Variants in SUN3 observed in about 807,000 individuals in gnomAD.
SUN3 encodes SUN domain-containing protein 3.
Under a neutral mutation model 48.2 loss-of-function variants are expected in SUN3, and 36 were observed. That is an observed-to-expected ratio of 0.75 (90% CI 0.57 to 0.99). The LOEUF (loss-of-function observed/expected upper bound fraction) is 0.99. SUN3 is among the 50% of genes least tolerant of loss of function. The probability of loss-of-function intolerance (pLI) is 0.00; values close to 1 mark genes in which losing one functional copy is unlikely to be tolerated. For synonymous variants in SUN3, 148 were observed against 147.9 expected, an observed-to-expected ratio of 1.00 and a Z score of 0.00; for missense variants, 419 against 433.1, an observed-to-expected ratio of 0.97 and a Z score of 0.29.
chr7:48,019,642 C>T (rs1583777808), intron 2 of SUN3, among the ~76,000 whole-genome samples: 1 of 152,092 alleles, frequency 6.6e-6, no homozygotes. Flanking sequence ...TCATTACTAG[C>T]TACTATGAAC....
chr7:48,016,748 C>A (rs1789825564), intron 3 of SUN3, among the ~76,000 whole-genome samples: 1 of 152,182 alleles, frequency 6.6e-6, no homozygotes, highest in African/African-American at 2.4e-5. Flanking sequence ...AAACTATTGT[C>A]TTAGTCTGTT....
intron 6 of SUN3, among the ~76,000 whole-genome samples, chr7:47,997,033 C>G (rs770728877): frequency 1.3e-5 from 2 of 152,118 alleles, no homozygotes; most frequent in Non-Finnish European, 2.9e-5. Flanking sequence ...ATCTCTTGAC[C>G]TAGTGATGTA....
intron 2 of SUN3, among the ~76,000 whole-genome samples, chr7:48,025,271 T>A (rs1295160452): frequency 6.6e-6 from 1 of 152,182 alleles, no homozygotes; most frequent in Non-Finnish European, 1.5e-5. Flanking sequence ...GGATGAACCT[T>A]AAAAACATTA....
chr7:48,025,824 G>T, intron 2 of SUN3, 53 bp downstream of exon 2: 1 of 1,242,046 alleles, frequency 8.1e-7, no homozygotes, highest in Non-Finnish European at 1.2e-6. Context: ...TCTCTCACCA[G>T]GCAGACATAA....
At chr7:48,005,872 A>T in intron 6 of SUN3, 97 bp downstream of exon 6, 1 of 576,478 alleles carries the variant, frequency 1.7e-6, no homozygotes, top group Non-Finnish European at 2.9e-6. Flanking sequence ...GTTACCAGAT[A>T]AATATGTTTT....
chr7:47,988,685 C>T (rs772039355), intron 9 of SUN3, 103 bp downstream of exon 9: 39 of 657,800 alleles, frequency 5.9e-5, no homozygotes, highest in Non-Finnish European at 7.9e-5. Context: ...GTAACTCACG[C>T]TTTTGTCATA....
chr7:48,003,535 A>G (rs1029904345), intron 6 of SUN3, among the ~76,000 whole-genome samples: 7 of 152,260 alleles, frequency 4.6e-5, no homozygotes, highest in Non-Finnish European at 7.3e-5. Context: ...CTTTCTATCC[A>G]TGAGCATGAG....
chr7:48,007,316 T>G lies in SUN3; in HGVS notation c.341A>C (p.Gln114Pro). The G allele has an allele frequency of 6.2e-7, 1 of 1,613,768 alleles. No homozygotes were observed. The highest frequency in any genetic ancestry group is 1.1e-5 in the South Asian group (1 of 91,042). ...EQLELLKKES[Q>P]NLENNFRQIL... ...TTGACGAAAATTGTTTTCCAGATTC[T>G]GGCTTTCCTTCCTGTAAAGGGAAAA... Residue 114 changes from glutamine (Q) to proline (P), a missense_variant, in exon 5 of 10, where the codon CAG becomes CCG. Gln to Pro is a moderately conservative substitution (Grantham distance 76). Transcript: ENST00000297325.
chr7:48,014,079 C>T (rs574415271), intron 3 of SUN3, among the ~76,000 whole-genome samples: 2 of 152,314 alleles, frequency 1.3e-5, no homozygotes, highest in South Asian at 4.1e-4. Flanking sequence ...GATCCTGCCA[C>T]CTCAGCCTCC....
intron 3 of SUN3, among the ~76,000 whole-genome samples, chr7:48,009,627 A>T (rs1284582476): frequency 6.6e-6 from 1 of 151,998 alleles, no homozygotes; most frequent in Non-Finnish European, 1.5e-5. Flanking sequence ...TTTATCTAAC[A>T]CTGGTGTCAT....
intron 2 of SUN3, among the ~76,000 whole-genome samples, chr7:48,022,453 TGAG>T (rs1790026073): frequency 6.6e-6 from 1 of 152,160 alleles, no homozygotes; most frequent in African/African-American, 2.4e-5. Flanking sequence ...GATAAATGCT[TGAG>T]GGGATGGATA....
At chr7:47,988,304 G>C (rs912520155) in intron 9 of SUN3, among the ~76,000 whole-genome samples, 3 of 152,196 alleles carry the variant, frequency 2.0e-5, no homozygotes, top group African/African-American at 4.8e-5. Context: ...GCCTTGGTGA[G>C]TTTCAGGGGA....
chr7:48,007,268 A>G lies in SUN3; in HGVS notation c.389T>C (p.Ile130Thr), dbSNP rs776910129. ...TCTTAGCAATGCCTTCAGGACATCTATTTGTTCGATCAAAAATAGAATTTG... is the reference window on the plus strand; with the variant it reads ...TCTTAGCAATGCCTTCAGGACATCTGTTTGTTCGATCAAAAATAGAATTTG... Reference protein sequence around the residue: ...FRQILFLIEQIDVLKALLRDM... With the variant: ...FRQILFLIEQTDVLKALLRDM... The change falls in exon 5 of 10, where the codon ATA (isoleucine) becomes ACA (threonine). Residue 130 changes from isoleucine to threonine, a missense_variant. Physicochemically the swap from Ile to Thr is moderately conservative, Grantham distance 89. Transcript: ENST00000297325. 5.0e-6 allele frequency: 8 copies of G among 1,613,976 alleles called. No individual in the cohort carries two copies. In the African/African-American group the frequency reaches 9.3e-5, roughly 19 times the overall value.
Position 48,006,063 on chromosome 7 carries a change from T to C in SUN3, c.493-10A>G. The C allele has an allele frequency of 6.4e-7, 1 of 1,551,014 alleles. No individual in the cohort carries two copies. Among genetic ancestry groups the C allele is most frequent in the Non-Finnish European group, 8.8e-7 (1 of 1,132,674 alleles). Reference sequence around the variant, plus strand: ...CCAAGTTTGACACTTCCTGTAGAAATTTTATAAACAGTTTTCTGTTAACAA... The same window carrying C: ...CCAAGTTTGACACTTCCTGTAGAAACTTTATAAACAGTTTTCTGTTAACAA... On this transcript the variant is annotated splice_polypyrimidine_tract_variant and intron_variant, in intron 5 of 9. Coordinates refer to ENST00000297325, the MANE Select transcript of SUN3 (RefSeq NM_001030019.2).
At chr7:48,027,969 A>C (rs1373779190) in intron 1 of SUN3, among the ~76,000 whole-genome samples, 1 of 152,092 alleles carries the variant, frequency 6.6e-6, no homozygotes, top group Non-Finnish European at 1.5e-5. Flanking sequence ...GATTAACTCC[A>C]GTGTTTTTCG....
intron 3 of SUN3, among the ~76,000 whole-genome samples, chr7:48,017,029 C>G (rs1789833466): frequency 6.6e-6 from 1 of 152,168 alleles, no homozygotes; most frequent in Non-Finnish European, 1.5e-5. Flanking sequence ...ATGACCCAAT[C>G]ACTTTTTAAA....
Position 48,009,046 on chromosome 7 carries a change from C to T in SUN3, c.318G>A (p.Leu106=). ...AAGATCGCACTCACTTTAAAAGTTC[C>T]AGTTGCTCTTTAGGCATACGAAGTC... ...QARLRMPKEQ[L]ELLKKESQNL... is the part of the protein sequence containing the mutation. Residue 106 remains leucine (L), a synonymous_variant, in exon 4 of 10, where the codon CTG becomes CTA. Coordinates refer to ENST00000297325, the MANE Select transcript of SUN3 (RefSeq NM_001030019.2). 1 of 1,612,370 alleles carries T rather than the reference C, an allele frequency of 6.2e-7. No individual in the cohort carries two copies. Among genetic ancestry groups the T allele is most frequent in the South Asian group, 1.1e-5 (1 of 90,598 alleles).
chr7:48,002,406 C>T (rs1241080029), intron 6 of SUN3, among the ~76,000 whole-genome samples: 1 of 149,644 alleles, frequency 6.7e-6, no homozygotes, highest in Non-Finnish European at 1.5e-5. Context: ...GATCCACCCG[C>T]CTCGGCCTCC....
In SUN3 at chr7:47,991,135, T is replaced by C. The variant is rs904991653; in HGVS notation, c.862-2255A>G. The C allele has an allele frequency of 1.6e-4, 69 of 430,818 alleles. 1 individual carries two copies. Among genetic ancestry groups the C allele is most frequent in the South Asian group, 7.8e-4 (46 of 58,880 alleles). The allele number at this position is 430,818 out of a possible 1,614,324, so 26.7% of individuals were successfully genotyped here. A position where few individuals can be genotyped will look rare whatever the true frequency, so the allele number is the denominator to read the frequency against. ...TCTGGCCATGCTGCCCAGGCTGGCC[T>C]CGAATTCCTGGGCTCCAGTGATCCT... is the stretch of plus-strand genomic sequence containing the variant. On this transcript the variant is annotated intron_variant, in intron 8 of 9. Transcript: ENST00000297325.
Sources: allele counts gnomAD v4.1 joint callset (sites outside exome capture counted in the v4.1 genomes callset), GRCh38; gene constraint gnomAD v4.1.1; transcripts MANE v1.5; gene names NCBI Gene and HGNC (gene_info 2026-07-23, HGNC 2026-07-21).